The following DPEP1 variants were observed in gnomAD, a reference collection of about 807,000 sequenced individuals.
DPEP1 encodes the protein beta-lactamase.
DPEP1 carries 50 observed loss-of-function variants against 42.3 expected under a neutral mutation model. The observed-to-expected ratio is 1.18, with a 90% CI of 0.94 to 1.50. The LOEUF is 1.50. Among genes scored for constraint, DPEP1 ranks in the 40% most tolerant of loss-of-function variants. The pLI, the probability that DPEP1 is intolerant of heterozygous loss-of-function variation, is 0.00. For missense variants in DPEP1, 663 were observed against 553.0 expected, an observed-to-expected ratio of 1.20 and a Z score of -1.99; for synonymous variants, 297 against 234.0, an observed-to-expected ratio of 1.27 and a Z score of -2.46.
At chr16:89,634,107 T>TTTTTTTTTTGTG (rs60586743) in intron 2 of DPEP1, among the ~76,000 whole-genome samples, 1 of 149,486 alleles carries the variant, frequency 6.7e-6, no homozygotes. Context: ...TTTTTTTTTT[T>TTTTTTTTTTGTG]GGAGGGAGTC....
intron 1 of DPEP1, among the ~76,000 whole-genome samples, chr16:89,629,338 C>CA (rs1229539092): frequency 1.3e-5 from 2 of 152,012 alleles, no homozygotes; most frequent in African/African-American, 2.4e-5. Context: ...CCCATCTCTA[C>CA]AAAAAATACA....
chr16:89,639,593 C>G, downstream of DPEP1, among the ~76,000 whole-genome samples: 1 of 150,258 alleles, frequency 6.7e-6, no homozygotes, highest in Non-Finnish European at 1.5e-5. Flanking sequence ...CACGAGCAAC[C>G]CCACCCCTGC....
intron 1 of DPEP1, among the ~76,000 whole-genome samples, chr16:89,622,454 C>T (rs747154622): frequency 9.2e-5 from 14 of 152,186 alleles, no homozygotes; most frequent in Non-Finnish European, 1.6e-4. Flanking sequence ...TCCTCCTGCT[C>T]CTGTCCACGA....
chr16:89,616,647 G>A (rs2059381209), intron 1 of DPEP1, among the ~76,000 whole-genome samples: 1 of 152,224 alleles, frequency 6.6e-6, no homozygotes, highest in Non-Finnish European at 1.5e-5. Flanking sequence ...TTGTGATCAG[G>A]AATTCAAAGT....
chr16:89,614,585 G>C (rs190962893), intron 1 of DPEP1, among the ~76,000 whole-genome samples: 3 of 152,324 alleles, frequency 2.0e-5, no homozygotes, highest in Non-Finnish European at 2.9e-5. Flanking sequence ...ATGAGGTCAG[G>C]AGATCGAGAC....
Position 89,636,290 on chromosome 16 carries a change from C to A in DPEP1, c.264C>A (p.Asp88Glu), listed in dbSNP as rs777725823. The stretch of plus-strand genomic sequence containing the variant: ...TCTGGTCCGTGTACACGCCCTGCGA[C>A]ACCCAGAACAAAGACGCCGTGCGGA... ...GQFWSVYTPCDTQNKDAVRRT... is the reference protein window; with the variant it reads ...GQFWSVYTPCETQNKDAVRRT... Residue 88 changes from aspartate (D) to glutamate (E), a missense_variant, in exon 4 of 11, where the codon GAC becomes GAA. Transcript: ENST00000690203. 1 of 1,611,378 alleles carries A rather than the reference C, an allele frequency of 6.2e-7. No individual in the cohort carries two copies. Among genetic ancestry groups the A allele is most frequent in the Non-Finnish European group, 8.5e-7 (1 of 1,179,542 alleles).
At chr16:89,615,660 C>T (rs1161513932) in intron 1 of DPEP1, among the ~76,000 whole-genome samples, 2 of 152,316 alleles carry the variant, frequency 1.3e-5, no homozygotes, top group East Asian at 3.9e-4. Context: ...GTGAAGTGAG[C>T]CCCCAGGACC....
downstream of DPEP1, among the ~76,000 whole-genome samples, chr16:89,638,995 GCA>G (rs201490535): frequency 1.9e-3 from 29 of 15,614 alleles, 4 homozygotes; most frequent in East Asian, 0.046. Context: ...CCCCACCCCT[GCA>G]CACACACACA....
At chr16:89,634,340 G>C (rs2059632260) in intron 2 of DPEP1, among the ~76,000 whole-genome samples, 1 of 152,044 alleles carries the variant, frequency 6.6e-6, no homozygotes, top group South Asian at 2.1e-4. Context: ...GCCCACCTCG[G>C]CCTCCCAAAG....
chr16:89,636,923 A>G lies in DPEP1; in HGVS notation c.579A>G (p.Ser193=). The G allele has an allele frequency of 1.2e-6, 2 of 1,612,386 alleles. No individual in the cohort carries two copies. Among genetic ancestry groups the G allele is most frequent in the Non-Finnish European group, 1.7e-6 (2 of 1,179,902 alleles). ...GDSEPQSQGL[S]PFGQRVVKEL... ...GCGAGCCCCAGAGCCAAGGCTTGTCACCCTTTGGGCAGGTGAGTGGGGTGG... is the reference window on the plus strand; with the variant it reads ...GCGAGCCCCAGAGCCAAGGCTTGTCGCCCTTTGGGCAGGTGAGTGGGGTGG... Residue 193 remains serine (S), a synonymous_variant, in exon 6 of 11, where the codon TCA becomes TCG. Coordinates refer to ENST00000690203, the MANE Select transcript of DPEP1 (RefSeq NM_001389466.1).
At chr16:89,620,088 C>A (rs566620768) in intron 1 of DPEP1, among the ~76,000 whole-genome samples, 43 of 151,350 alleles carry the variant, frequency 2.8e-4, no homozygotes, top group Non-Finnish European at 5.3e-4. Context: ...GCGGTCCACA[C>A]GCAGACCCTC....
intron 2 of DPEP1, among the ~76,000 whole-genome samples, chr16:89,630,890 G>T (rs1336077439): frequency 6.6e-6 from 1 of 152,022 alleles, no homozygotes; most frequent in African/African-American, 2.4e-5. Flanking sequence ...ACGGTGCCGG[G>T]CCCTTGCCCT....
intron 7 of DPEP1, 35 bp from the exon 8 acceptor site, chr16:89,637,433 G>A: frequency 6.2e-7 from 1 of 1,612,752 alleles, no homozygotes; most frequent in Non-Finnish European, 8.5e-7. Flanking sequence ...GGCCCTCCCA[G>A]CTCTCAGCTT....
intron 1 of DPEP1, chr16:89,616,860 G>C (rs1308437836): frequency 4.3e-6 from 1 of 234,888 alleles, no homozygotes; most frequent in Non-Finnish European, 8.6e-6. Context: ...CAGGAAGCAG[G>C]CAGGAAGTGG....
At chr16:89,625,361 C>T (rs12930346) in intron 1 of DPEP1, among the ~76,000 whole-genome samples, 41,386 of 151,980 alleles carry the variant, frequency 0.27, 6,806 homozygotes, top group Middle Eastern at 0.48. Flanking sequence ...TCGTTTTAAC[C>T]GTCAGTTCTC....
intron 1 of DPEP1, among the ~76,000 whole-genome samples, chr16:89,628,256 CT>C (rs1206308709): frequency 8.1e-4 from 64 of 79,218 alleles, no homozygotes; most frequent in South Asian, 7.9e-3. Flanking sequence ...TCTTTTCTTT[CT>C]TTTTTTTTTT....
chr16:89,621,765 C>T (rs2059449104), intron 1 of DPEP1, among the ~76,000 whole-genome samples: 1 of 152,226 alleles, frequency 6.6e-6, no homozygotes, highest in African/African-American at 2.4e-5. Context: ...TGCGTTTACT[C>T]ATCCCGTGGG....
At chr16:89,621,927 C>G (rs1372678455) in intron 1 of DPEP1, among the ~76,000 whole-genome samples, 1 of 152,124 alleles carries the variant, frequency 6.6e-6, no homozygotes, top group African/African-American at 2.4e-5. Flanking sequence ...GTGGTATCAT[C>G]CGAAATGGCC....
chr16:89,625,504 C>A (rs565256005), intron 1 of DPEP1, among the ~76,000 whole-genome samples: 1 of 152,310 alleles, frequency 6.6e-6, no homozygotes, highest in East Asian at 1.9e-4. Context: ...TCTATCAGGA[C>A]TATAAACCAA....
Sources: allele counts gnomAD v4.1 joint callset (sites outside exome capture counted in the v4.1 genomes callset), GRCh38; gene constraint gnomAD v4.1.1; transcripts MANE v1.5; gene names NCBI Gene and HGNC (gene_info 2026-07-23, HGNC 2026-07-21).